The following OR51G2 variants were observed in gnomAD, a reference collection of about 807,000 sequenced individuals.
The protein encoded by OR51G2 is olfactory receptor family 51 subfamily G member 2, also known as olfactory receptor 51G2.
OR51G2 carries 13 observed loss-of-function variants against 11.8 expected under a neutral mutation model. The observed-to-expected ratio is 1.10, with a 90% CI of 0.72 to 1.76. OR51G2 has a LOEUF of 1.76. OR51G2 is among the 40% of genes most tolerant of loss of function. The pLI, the probability that OR51G2 is intolerant of heterozygous loss-of-function variation, is 0.00. For missense variants in OR51G2, 474 were observed against 394.4 expected, an observed-to-expected ratio of 1.20 and a Z score of -1.71; for synonymous variants, 178 against 151.9, an observed-to-expected ratio of 1.17 and a Z score of -1.26.
At chr11:4,916,861 G>T (rs1353183629) in intron 1 of OR51G2, among the ~76,000 whole-genome samples, 1 of 152,156 alleles carries the variant, frequency 6.6e-6, no homozygotes, top group Non-Finnish European at 1.5e-5. Context: ...CATCAACCAT[G>T]GCCACATCCC....
At chr11:4,916,949 A>G (rs985780782) in intron 1 of OR51G2, among the ~76,000 whole-genome samples, 1 of 152,184 alleles carries the variant, frequency 6.6e-6, no homozygotes, top group Non-Finnish European at 1.5e-5. Context: ...TCTACAGAGG[A>G]AGAAATGAAG....
Position 4,914,339 on chromosome 11 carries a change from G to A in OR51G2, c.*380C>T, listed in dbSNP as rs2133572892. ...AAACAGTGGTGGAATGGAGGTGGAA[G>A]AGAGAGAGAGAGAGAAGATACATGG... On this transcript the variant is annotated 3_prime_UTR_variant, in exon 2 of 2. Coordinates refer to ENST00000641926, the MANE Select transcript of OR51G2 (RefSeq NM_001005238.2). The A allele has an allele frequency of 6.5e-6, 1 of 154,500 alleles. No individual in the cohort carries two copies. The highest frequency in any genetic ancestry group is 1.4e-5 in the Non-Finnish European group (1 of 69,940). The allele number at this position is 154,500 out of a possible 1,614,324, so 9.6% of individuals were successfully genotyped here.
At chr11:4,916,849 ACCATCAAC>A (rs1276227062) in intron 1 of OR51G2, among the ~76,000 whole-genome samples, 1 of 152,208 alleles carries the variant, frequency 6.6e-6, no homozygotes, top group Non-Finnish European at 1.5e-5. Flanking sequence ...AGGCTAAAGC[ACCATCAAC>A]CATGGCCACA....
intron 1 of OR51G2, 110 bp downstream of exon 1, chr11:4,919,067 A>G (rs555159557): frequency 1.3e-5 from 2 of 152,342 alleles, no homozygotes; most frequent in South Asian, 4.1e-4. Flanking sequence ...TCTGGGCAAG[A>G]AAACAAGGAA....
Position 4,915,368 on chromosome 11 carries a change from T to C in OR51G2, c.296A>G (p.His99Arg), listed in dbSNP as rs777750855. 3.1e-6 allele frequency: 5 copies of C among 1,613,998 alleles called. No individual in the cohort carries two copies. Among genetic ancestry groups the C allele is most frequent in the Non-Finnish European group, 4.2e-6 (5 of 1,179,976 alleles). ...AAAGAGCTGAGCAAAGCAGGCATCA[T>C]GGCTAATTTCTCGTGCTCCAACCCA... ...IFWVGAREISHDACFAQLFFI... is the reference protein window; with the variant it reads ...IFWVGAREISRDACFAQLFFI... The change falls in exon 2 of 2, where the codon CAT becomes CGT. Residue 99 changes from histidine to arginine, a missense_variant. His to Arg is a conservative substitution (Grantham distance 29, BLOSUM62 0). Coordinates refer to ENST00000641926, the MANE Select transcript of OR51G2 (RefSeq NM_001005238.2).
Position 4,915,284 on chromosome 11 carries a change from C to A in OR51G2, c.380G>T (p.Arg127Leu), listed in dbSNP as rs778896766. 6.2e-7 allele frequency: 1 copy of A among 1,613,796 alleles called. No individual in the cohort carries two copies. Among genetic ancestry groups the A allele is most frequent in the Admixed American group, 1.7e-5 (1 of 59,998 alleles). Residue 127 changes from arginine to leucine, a missense_variant, in exon 2 of 2, where the codon CGC becomes CTC. Coordinates refer to ENST00000641926, the MANE Select transcript of OR51G2 (RefSeq NM_001005238.2). ...SSVLLSMAFD[R>L]FVAICHPLHY... ...CAAGGGGTGGCAGATAGCCACAAAG[C>A]GGTCAAAGGCCATAGACAGTAGCAC...
At chr11:4,916,824 C>A (rs1258527479) in intron 1 of OR51G2, among the ~76,000 whole-genome samples, 11 of 152,188 alleles carry the variant, frequency 7.2e-5, no homozygotes, top group Admixed American at 5.9e-4. Flanking sequence ...CTGCTGTGGA[C>A]CTAAGTGGCA....
At position 4,915,783 on chromosome 11, in the gene OR51G2, A is replaced by G. The variant is rs894910921; in HGVS notation, c.-76-44T>C. The G allele has an allele frequency of 1.7e-5, 11 of 631,188 alleles. No individual in the cohort carries two copies. In the African/African-American group the frequency reaches 2.0e-4, roughly 12 times the overall value. 39.1% of individuals were successfully genotyped at this position (631,188 alleles called of 1,614,324 possible). ...AAAAAATAGAATCAAATATACCTAG[A>G]ACTGTGCAGCTCTTTCTAGTGGTTA... On this transcript the variant is annotated intron_variant, in intron 1 of 1. Transcript: ENST00000641926.
At chr11:4,917,427 G>C (rs753060274) in intron 1 of OR51G2, among the ~76,000 whole-genome samples, 4 of 152,144 alleles carry the variant, frequency 2.6e-5, no homozygotes, top group African/African-American at 4.8e-5. Flanking sequence ...GTGTCAAGTG[G>C]CAGAGCTAGC....
Position 4,914,540 on chromosome 11 carries a change from T to A in OR51G2, c.*179A>T, listed in dbSNP as rs1408773039. The stretch of plus-strand genomic sequence containing the variant: ...ATAAAATTTACCACATCATATTACA[T>A]TTTACCCCCCCCTGCCCTGGCCACA... On this transcript the variant is annotated 3_prime_UTR_variant, in exon 2 of 2. Transcript: ENST00000641926. 6 of 537,816 alleles carry A rather than the reference T, an allele frequency of 1.1e-5. No individual in the cohort carries two copies. The highest frequency in any genetic ancestry group is 2.0e-5 in the Non-Finnish European group (6 of 304,678). 33.3% of individuals were successfully genotyped at this position (537,816 alleles called of 1,614,324 possible). A position where few individuals can be genotyped will look rare whatever the true frequency, so the allele number is the denominator to read the frequency against.
rs1851078104 is a variant in OR51G2, at chr11:4,915,723, A to G, written c.-60T>C. ...CCAAAATCCTGAAGTAAATTGAGGCAGTACTGGTGATTGCACCTGGTGGAA... is the reference window on the plus strand; with the variant it reads ...CCAAAATCCTGAAGTAAATTGAGGCGGTACTGGTGATTGCACCTGGTGGAA... On this transcript the variant is annotated 5_prime_UTR_variant, in exon 2 of 2. Transcript: ENST00000641926. The G allele has an allele frequency of 8.6e-7, 1 of 1,158,504 alleles. No individual in the cohort carries two copies. 71.8% of individuals were successfully genotyped at this position (1,158,504 alleles called of 1,614,324 possible).
In OR51G2 at chr11:4,914,841, G is replaced by A. The variant is rs1589937508; in HGVS notation, c.823C>T (p.His275Tyr). ...VIHRFGKQAP[H>Y]LVQVVMGFMY... ...AAACCCATGACCACCTGGACCAGGT[G>A]GGGTGCCTGCTTTCCAAAGCGATGG... is the stretch of plus-strand genomic sequence containing the variant. Residue 275 changes from histidine (H) to tyrosine (Y), a missense_variant, in exon 2 of 2, where the codon CAC (histidine) becomes TAC (tyrosine). Physicochemically the swap from His to Tyr is moderately conservative, Grantham distance 83 (BLOSUM62 2). Coordinates refer to ENST00000641926, the MANE Select transcript of OR51G2 (RefSeq NM_001005238.2). 6.2e-7 allele frequency: 1 copy of A among 1,614,032 alleles called. No individual in the cohort carries two copies. Among genetic ancestry groups the A allele is most frequent in the Non-Finnish European group, 8.5e-7 (1 of 1,179,968 alleles).
chr11:4,915,247 G>A lies in OR51G2; in HGVS notation c.417C>T (p.Ser139=). The A allele has an allele frequency of 6.2e-7, 1 of 1,613,990 alleles. No individual in the cohort carries two copies. The highest frequency in any genetic ancestry group is 1.1e-5 in the South Asian group (1 of 91,076). The part of the protein sequence containing the change: ...VAICHPLHYV[S]ILTNTVIGRI... ...TGCCAATGACTGTGTTGGTGAGAAT[G>A]GAAACATAGTGCAAGGGGTGGCAGA... The change falls in exon 2 of 2, where the codon TCC becomes TCT. Residue 139 remains serine, a synonymous_variant. Transcript: ENST00000641926.
At position 4,913,670 on chromosome 11, in the gene OR51G2, T is replaced by C. The variant is rs1851026865; in HGVS notation, c.*1049A>G. On this transcript the variant is annotated 3_prime_UTR_variant, in exon 2 of 2. Coordinates refer to ENST00000641926, the MANE Select transcript of OR51G2 (RefSeq NM_001005238.2). ...AGTCAGTACCTCAATCTGTTTCCAC[T>C]TCACCTCATTTTTCTTAAACCTTCC... The C allele has an allele frequency of 2.6e-5, 4 of 152,192 alleles. No homozygotes were observed. Among genetic ancestry groups the C allele is most frequent in the Admixed American group, 2.0e-4 (3 of 15,274 alleles). The allele number at this position is 152,192 out of a possible 1,614,324, so 9.4% of individuals were successfully genotyped here. A position where few individuals can be genotyped will look rare whatever the true frequency, so the allele number is the denominator to read the frequency against.
At position 4,915,166 on chromosome 11, in the gene OR51G2, A is replaced by G. The variant is rs1851060497; in HGVS notation, c.498T>C (p.Phe166=). Residue 166 remains phenylalanine (F), a synonymous_variant, in exon 2 of 2, where the codon TTT becomes TTC. Coordinates refer to ENST00000641926, the MANE Select transcript of OR51G2 (RefSeq NM_001005238.2). The stretch of plus-strand genomic sequence containing the variant: ...CACAATAGGGGAATCTTTTGAGCAT[A>G]AAAGGTAATGGAAAAATGAGTGCTA... ...RSVALIFPLP[F]MLKRFPYCGS... 1 of 1,613,976 alleles carries G rather than the reference A, an allele frequency of 6.2e-7. No individual in the cohort carries two copies. The highest frequency in any genetic ancestry group is 1.3e-5 in the African/African-American group (1 of 74,922).
At chr11:4,917,473 C>T (rs1379516495) in intron 1 of OR51G2, among the ~76,000 whole-genome samples, 1 of 152,148 alleles carries the variant, frequency 6.6e-6, no homozygotes, top group East Asian at 1.9e-4. Flanking sequence ...GATTCTTTAG[C>T]TGAATAAATA....
intron 1 of OR51G2, among the ~76,000 whole-genome samples, chr11:4,918,556 A>G (rs988151720): frequency 6.6e-5 from 10 of 152,304 alleles, no homozygotes; most frequent in African/African-American, 2.4e-4. Context: ...CCAGTTCGCC[A>G]GAGAGTTCTT....
intron 1 of OR51G2, among the ~76,000 whole-genome samples, chr11:4,917,097 C>T (rs370390800): frequency 1.3e-5 from 2 of 152,256 alleles, no homozygotes; most frequent in African/African-American, 4.8e-5. Flanking sequence ...CTTTGTTTAC[C>T]TCTATTAATC....
rs1041781534 is a variant in OR51G2 at position 4,915,121 on chromosome 11, A to G, written c.543T>C (p.His181=). The G allele has an allele frequency of 6.2e-7, 1 of 1,614,150 alleles. No homozygotes were observed. The highest frequency in any genetic ancestry group is 8.5e-7 in the Non-Finnish European group (1 of 1,180,020). ...FPYCGSPVLS[H]SYCLHQEVMK... is the part of the protein sequence containing the mutation. ...TCACTTCTTGGTGGAGACAATAAGA[A>G]TGTGAGAGAACTGGGGAGCCACAAT... The change falls in exon 2 of 2, where the codon CAT becomes CAC. Residue 181 remains histidine, a synonymous_variant. Transcript: ENST00000641926.
Sources: gnomAD v4.1 joint callset for allele counts (sites outside exome capture counted in the v4.1 genomes callset) on GRCh38, gnomAD v4.1.1 for gene constraint, MANE v1.5 for transcripts, NCBI Gene and HGNC (gene_info 2026-07-23, HGNC 2026-07-21) for gene names.